Variants in CTNNA3 observed in about 807,000 individuals in gnomAD.
CTNNA3 encodes the protein catenin alpha 3, also known as catenin alpha-3.
CTNNA3 carries 76 observed loss-of-function variants against 95.7 expected under a neutral mutation model. The observed-to-expected ratio is 0.79, with a 90% CI of 0.66 to 0.96. The LOEUF (loss-of-function observed/expected upper bound fraction) is 0.96. Among genes scored for constraint, CTNNA3 ranks in the 40% least tolerant of loss-of-function variants. CTNNA3 has a pLI of 0.00. For missense variants in CTNNA3, 1,191 were observed against 1,089.8 expected (o/e 1.09, Z -1.31); for synonymous variants, 431 against 374.4 (o/e 1.15, Z -1.74).
At chr10:66,951,481 T>C (rs1269121295) in intron 7 of CTNNA3, among the ~76,000 whole-genome samples, 1 of 152,194 alleles carries the variant, frequency 6.6e-6, no homozygotes, top group African/African-American at 2.4e-5. Context: ...CCCTAACGTA[T>C]TTAATTCTTA....
chr10:67,670,861 C>T (rs1017263068), intron 1 of CTNNA3, among the ~76,000 whole-genome samples: 1 of 152,112 alleles, frequency 6.6e-6, no homozygotes, highest in Non-Finnish European at 1.5e-5. Flanking sequence ...TATACGTCTA[C>T]AAGAATATAT....
At chr10:65,970,402 T>C (rs1451467770) in intron 16 of CTNNA3, among the ~76,000 whole-genome samples, 2 of 152,004 alleles carry the variant, frequency 1.3e-5, no homozygotes, top group Non-Finnish European at 2.9e-5. Context: ...AACTTCATGA[T>C]AGGATCAAAA....
Position 66,066,152 on chromosome 10 carries a change from C to T in CTNNA3, c.2159+3156G>A, listed in dbSNP as rs574319576. Among the ~76,000 whole-genome samples, 5 of 152,066 alleles carry T rather than the reference C, an allele frequency of 3.3e-5. No homozygotes were observed. The East Asian group carries it at 5.8e-4, about 18-fold the overall frequency. On this transcript the variant is annotated intron_variant, in intron 15 of 17. Transcript: ENST00000433211. ...TGCTGGGATTACAGGCGTGAGCCAC[C>T]GCACCTAGCCACCAAGATGATATTA...
At chr10:66,980,497 G>GA in intron 7 of CTNNA3, among the ~76,000 whole-genome samples, 1 of 141,152 alleles carries the variant, frequency 7.1e-6, no homozygotes, top group South Asian at 2.2e-4. Flanking sequence ...CAAAACTATT[G>GA]AGACCTTCCT....
At chr10:66,571,904 A>AT (rs1354512230) in intron 10 of CTNNA3, among the ~76,000 whole-genome samples, 1 of 152,150 alleles carries the variant, frequency 6.6e-6, no homozygotes, top group Non-Finnish European at 1.5e-5. Context: ...TCACTGACGC[A>AT]TTTTTTAAAG....
intron 6 of CTNNA3, among the ~76,000 whole-genome samples, chr10:67,197,089 T>A (rs751334921): frequency 6.6e-6 from 1 of 152,126 alleles, no homozygotes; most frequent in African/African-American, 2.4e-5. Flanking sequence ...TTTTTAAGTA[T>A]ATTAAATCTT....
chr10:67,688,419 T>C (rs1840777869), intron 1 of CTNNA3, among the ~76,000 whole-genome samples: 1 of 152,092 alleles, frequency 6.6e-6, no homozygotes, highest in Non-Finnish European at 1.5e-5. Context: ...TCCTGTGGGA[T>C]GTAAATTGCA....
At chr10:67,156,570 T>C (rs1336048741) in intron 7 of CTNNA3, among the ~76,000 whole-genome samples, 1 of 152,106 alleles carries the variant, frequency 6.6e-6, no homozygotes, top group South Asian at 2.1e-4. Flanking sequence ...AATTTCAACA[T>C]ACTTGTGAAT....
intron 1 of CTNNA3, among the ~76,000 whole-genome samples, chr10:67,708,328 C>A (rs907939728): frequency 1.3e-5 from 2 of 152,132 alleles, no homozygotes; most frequent in Non-Finnish European, 2.9e-5. Context: ...CAGCCCACAC[C>A]TTTCAGGTGA....
At chr10:67,516,123 C>A (rs191867454) in intron 5 of CTNNA3, among the ~76,000 whole-genome samples, 1 of 152,112 alleles carries the variant, frequency 6.6e-6, no homozygotes, top group East Asian at 1.9e-4. Flanking sequence ...CCACCATGCC[C>A]GGCTAATTTT....
intron 12 of CTNNA3, among the ~76,000 whole-genome samples, chr10:66,340,811 A>G (rs1366167996): frequency 2.6e-5 from 4 of 151,932 alleles, no homozygotes; most frequent in South Asian, 2.1e-4. Context: ...ATGTGGCGAA[A>G]AAAAGGTGAA....
At chr10:66,026,408 C>G (rs1467076555) in intron 15 of CTNNA3, among the ~76,000 whole-genome samples, 1 of 152,056 alleles carries the variant, frequency 6.6e-6, no homozygotes, top group African/African-American at 2.4e-5. Context: ...GGTTTAGTCT[C>G]GATTGTTCTC....
chr10:67,476,608 C>T (rs1157246857), intron 5 of CTNNA3, among the ~76,000 whole-genome samples: 1 of 151,890 alleles, frequency 6.6e-6, no homozygotes, highest in Non-Finnish European at 1.5e-5. Flanking sequence ...AGCTGCCCCA[C>T]CCTTCCTGCA....
intron 2 of CTNNA3, among the ~76,000 whole-genome samples, chr10:67,615,587 A>C (rs1331228851): frequency 6.6e-6 from 1 of 151,822 alleles, no homozygotes; most frequent in African/African-American, 2.4e-5. Flanking sequence ...AATGAGCCTC[A>C]TTCTAAGAAG....
chr10:67,689,310 G>A (rs896183726), intron 1 of CTNNA3, among the ~76,000 whole-genome samples: 1 of 152,154 alleles, frequency 6.6e-6, no homozygotes, highest in African/African-American at 2.4e-5. Context: ...CTTGTCTGAA[G>A]AGGGATCCTA....
chr10:66,415,610 C>T (rs2093139995), intron 11 of CTNNA3, among the ~76,000 whole-genome samples: 1 of 152,124 alleles, frequency 6.6e-6, no homozygotes, highest in Admixed American at 6.6e-5. Context: ...CACTCTCAGC[C>T]CACTGCTGCA....
chr10:66,940,240 C>T (rs949264495), intron 7 of CTNNA3, among the ~76,000 whole-genome samples: 3 of 152,044 alleles, frequency 2.0e-5, no homozygotes, highest in Non-Finnish European at 2.9e-5. Flanking sequence ...TGGCTCATGC[C>T]TATAGGCCCA....
intron 14 of CTNNA3, among the ~76,000 whole-genome samples, chr10:66,077,838 A>G (rs1008659336): frequency 1.3e-4 from 20 of 151,766 alleles, no homozygotes; most frequent in Non-Finnish European, 2.7e-4. Context: ...GTGAAGATCC[A>G]AGCCTTTATA....
At chr10:66,430,468 A>C (rs1348205722) in intron 11 of CTNNA3, among the ~76,000 whole-genome samples, 2 of 152,192 alleles carry the variant, frequency 1.3e-5, no homozygotes, top group Non-Finnish European at 2.9e-5. Flanking sequence ...CAAAAGAACA[A>C]AGCTGGAGGC....
Sources: gnomAD v4.1 joint callset for allele counts (sites outside exome capture counted in the v4.1 genomes callset) on GRCh38, gnomAD v4.1.1 for gene constraint, MANE v1.5 for transcripts, NCBI Gene and HGNC (gene_info 2026-07-23, HGNC 2026-07-21) for gene names.